FAM185A: variants seen among roughly 807,000 people sequenced by gnomAD.
FAM185A encodes family with sequence similarity 185 member A, also known as protein FAM185A.
In FAM185A, 21 loss-of-function variants were observed where a neutral mutation model predicts 45.7. The ratio of observed to expected loss-of-function variants is 0.46; its 90% CI spans 0.33 to 0.66. The LOEUF (loss-of-function observed/expected upper bound fraction) is 0.66, where lower values mean the gene tolerates loss of function less well. Among genes scored for constraint, FAM185A ranks in the 30% least tolerant of loss-of-function variants. FAM185A has a pLI of 0.03. For synonymous variants in FAM185A, 117 were observed against 194.0 expected (o/e 0.60, Z 3.30); for missense variants, 305 against 485.4 (o/e 0.63, Z 3.49).
chr7:102,799,375 T>C (rs1796639401), intron 7 of FAM185A, among the ~76,000 whole-genome samples: 3 of 152,132 alleles, frequency 2.0e-5, no homozygotes, highest in African/African-American at 2.4e-5. Context: ...CTCCAGGACA[T>C]AGACAAGATT....
intron 7 of FAM185A, among the ~76,000 whole-genome samples, chr7:102,787,749 TTAAAAA>T (rs72130425): frequency 2.0e-5 from 3 of 152,210 alleles, no homozygotes; most frequent in African/African-American, 7.2e-5. Context: ...ATTCTCGAAC[TTAAAAA>T]TAAACTGAAT....
chr7:102,835,632 C>T, the FAM185A span, among the ~76,000 whole-genome samples: 5 of 83,038 alleles, frequency 6.0e-5, no homozygotes, highest in South Asian at 4.8e-4. Flanking sequence ...TTTTTTGAGA[C>T]GGAGTCTCGC....
intron 7 of FAM185A, among the ~76,000 whole-genome samples, chr7:102,805,819 AG>A: frequency 6.6e-6 from 1 of 152,346 alleles, no homozygotes; most frequent in Middle Eastern, 3.4e-3. Context: ...GGGGGGCTGC[AG>A]GTTATAGGTG....
At chr7:102,815,466 G>C in the FAM185A span, among the ~76,000 whole-genome samples, 1 of 151,966 alleles carries the variant, frequency 6.6e-6, no homozygotes, top group Non-Finnish European at 1.5e-5. Flanking sequence ...CTGGATTGCT[G>C]GTCTAGAAGG....
At chr7:102,762,266 A>G (rs1451082014) in intron 4 of FAM185A, among the ~76,000 whole-genome samples, 1 of 152,178 alleles carries the variant, frequency 6.6e-6, no homozygotes, top group Non-Finnish European at 1.5e-5. Context: ...GAAATATTAC[A>G]TAGTTAATGT....
chr7:102,834,473 A>G, the FAM185A span: 5 of 141,544 alleles, frequency 3.5e-5, no homozygotes, highest in African/African-American at 7.9e-5. Context: ...ATATATATAT[A>G]TGTGATGTGG....
the FAM185A span, among the ~76,000 whole-genome samples, chr7:102,845,315 T>G: frequency 6.6e-6 from 1 of 152,164 alleles, no homozygotes; most frequent in Non-Finnish European, 1.5e-5. Context: ...TCAGGAACCA[T>G]GGTCAAAGAC....
chr7:102,831,426 CA>C, the FAM185A span, among the ~76,000 whole-genome samples: 21 of 151,690 alleles, frequency 1.4e-4, no homozygotes, highest in South Asian at 1.3e-3. Flanking sequence ...CACACACACA[CA>C]CACACCCCAC....
the FAM185A span, among the ~76,000 whole-genome samples, chr7:102,836,771 G>T: frequency 6.6e-6 from 1 of 152,126 alleles, no homozygotes; most frequent in African/African-American, 2.4e-5. Flanking sequence ...AGAGGAGACT[G>T]AATTTCACTC....
intron 6 of FAM185A, among the ~76,000 whole-genome samples, chr7:102,778,157 A>G (rs1474842003): frequency 4.6e-5 from 7 of 152,248 alleles, no homozygotes; most frequent in African/African-American, 1.7e-4. Context: ...TGTTCCTGCT[A>G]TTAGTAGTTG....
the FAM185A span, among the ~76,000 whole-genome samples, chr7:102,824,684 C>A: frequency 2.0e-5 from 3 of 151,916 alleles, no homozygotes. Flanking sequence ...CAGGGTTTTA[C>A]CATGTTGGTC....
chr7:102,798,649 C>CTTTATTATTAAATACCATTATTAAA (rs1796586092), intron 7 of FAM185A, among the ~76,000 whole-genome samples: 1 of 152,048 alleles, frequency 6.6e-6, no homozygotes, highest in Non-Finnish European at 1.5e-5. Context: ...ATTATTGGTG[C>CTTTATTATTAAATACCATTATTAAA]TAAATGGTAT....
intron 3 of FAM185A, among the ~76,000 whole-genome samples, chr7:102,760,930 A>G (rs1794074239): frequency 6.6e-6 from 1 of 152,240 alleles, no homozygotes; most frequent in South Asian, 2.1e-4. Context: ...CAATTAGGAT[A>G]AAATGAAATT....
At chr7:102,782,708 G>A (rs1795488130) in intron 6 of FAM185A, among the ~76,000 whole-genome samples, 1 of 152,078 alleles carries the variant, frequency 6.6e-6, no homozygotes. Flanking sequence ...GCCAAATTGT[G>A]AAGACCATCG....
chr7:102,804,196 A>C (rs1284003335), intron 7 of FAM185A, among the ~76,000 whole-genome samples: 1 of 152,216 alleles, frequency 6.6e-6, no homozygotes, highest in Non-Finnish European at 1.5e-5. Flanking sequence ...TAAAATTCAT[A>C]TGGAACCAAA....
chr7:102,826,512 G>A, the FAM185A span, among the ~76,000 whole-genome samples: 2 of 151,408 alleles, frequency 1.3e-5, no homozygotes, highest in Admixed American at 6.6e-5. Context: ...GAGGCAGGTG[G>A]ATCACTTGAG....
At chr7:102,850,253 A>G in the FAM185A span, among the ~76,000 whole-genome samples, 2 of 152,142 alleles carry the variant, frequency 1.3e-5, no homozygotes, top group Non-Finnish European at 2.9e-5. Context: ...TCTGGACCCC[A>G]CAGAATCAAA....
the FAM185A span, chr7:102,814,343 T>C: frequency 6.6e-6 from 1 of 152,190 alleles, no homozygotes; most frequent in Non-Finnish European, 1.5e-5. Context: ...CCTTGAGTTA[T>C]TAATTGCAAA....
the FAM185A span, among the ~76,000 whole-genome samples, chr7:102,819,746 A>C: frequency 1.3e-5 from 2 of 152,142 alleles, no homozygotes; most frequent in African/African-American, 4.8e-5. Context: ...AGACAAATCA[A>C]AGCCTCTGCA....
Sources: allele counts gnomAD v4.1 joint callset (sites outside exome capture counted in the v4.1 genomes callset), GRCh38; gene constraint gnomAD v4.1.1; transcripts MANE v1.5; gene names NCBI Gene and HGNC (gene_info 2026-07-23, HGNC 2026-07-21).